SCRN1: variants seen among roughly 807,000 people sequenced by gnomAD.
SCRN1 encodes secernin-1.
In SCRN1, 19 loss-of-function variants were observed where a neutral mutation model predicts 43.3. The observed-to-expected ratio is 0.44, with a 90% CI of 0.31 to 0.64. The LOEUF is 0.64. SCRN1 is among the 30% of genes least tolerant of loss of function. The probability of loss-of-function intolerance (pLI) is 0.09; values close to 1 mark genes in which losing one functional copy is unlikely to be tolerated. For missense variants in SCRN1, 447 were observed against 524.1 expected (o/e 0.85, Z 1.44); for synonymous variants, 183 against 188.9 (o/e 0.97, Z 0.26).
chr7:29,941,753 T>A (rs1186456127), intron 4 of SCRN1, among the ~76,000 whole-genome samples: 5 of 152,244 alleles, frequency 3.3e-5, no homozygotes, highest in Admixed American at 3.3e-4. Flanking sequence ...TTGCTATGTC[T>A]TCTTCGAAGC....
At chr7:29,957,519 G>C (rs1421575293) in intron 2 of SCRN1, among the ~76,000 whole-genome samples, 1 of 152,198 alleles carries the variant, frequency 6.6e-6, no homozygotes, top group Non-Finnish European at 1.5e-5. Flanking sequence ...ATCTCCCCCA[G>C]CTAGAGTGTA....
chr7:29,947,561 G>C (rs562049203), intron 3 of SCRN1, among the ~76,000 whole-genome samples: 20 of 152,252 alleles, frequency 1.3e-4, no homozygotes, highest in African/African-American at 3.6e-4. Context: ...TAGGACTCAG[G>C]TGCAAATAAT....
Position 29,938,068 on chromosome 7 carries a change from C to A in SCRN1, c.740-1347G>T, listed in dbSNP as rs1374715685. On this transcript the variant is annotated intron_variant, in intron 5 of 7. Coordinates refer to ENST00000242059, the MANE Select transcript of SCRN1 (RefSeq NM_014766.5). The stretch of plus-strand genomic sequence containing the variant: ...TTTTGAGATGGAGTCTCGTTCTGTC[C>A]CCCAGGCAGGAGTGCAGTGGCGCAA... 4.6e-5 allele frequency among the ~76,000 whole-genome samples: 7 copies of A among 151,990 alleles called. No individual in the cohort carries two copies. In the East Asian group the frequency reaches 1.2e-3, roughly 25 times the overall value.
intron 1 of SCRN1, among the ~76,000 whole-genome samples, chr7:29,970,590 GA>G (rs1166935220): frequency 1.3e-5 from 2 of 152,210 alleles, no homozygotes; most frequent in Non-Finnish European, 2.9e-5. Context: ...TAAGCAATAT[GA>G]AAGCAAGGAC....
intron 1 of SCRN1, among the ~76,000 whole-genome samples, chr7:29,977,801 A>T (rs1372987536): frequency 6.6e-6 from 1 of 152,228 alleles, no homozygotes; most frequent in Non-Finnish European, 1.5e-5. Flanking sequence ...AGGGATAATG[A>T]TAGGTAGTTC....
chr7:29,936,547 C>G lies in SCRN1; in HGVS notation c.905+9G>C, dbSNP rs375042049. The G allele has an allele frequency of 1.3e-6, 2 of 1,558,538 alleles. No homozygotes were observed. Among genetic ancestry groups the G allele is most frequent in the Non-Finnish European group, 1.8e-6 (2 of 1,140,884 alleles). On this transcript the variant is annotated intron_variant, in intron 6 of 7. Coordinates refer to ENST00000242059, the MANE Select transcript of SCRN1 (RefSeq NM_014766.5). ...ATGTTCTGCCTACGTGACCAGGCCT[C>G]GGACAAACCTGGAAGGATCAGGGGT...
intron 1 of SCRN1, among the ~76,000 whole-genome samples, chr7:29,973,225 A>T (rs1788717081): frequency 6.6e-6 from 1 of 152,212 alleles, no homozygotes; most frequent in Non-Finnish European, 1.5e-5. Context: ...TGCCAATTAC[A>T]CTTCTCTTGG....
Position 29,944,098 on chromosome 7 carries a change from C to T in SCRN1, c.423G>A (p.Gly141=). Reference sequence around the variant, plus strand: ...AGGAGTTTGCATCTTCAAAGTAATTCCCACCTTGTCCATGTTCTTCCAACA... The same window carrying T: ...AGGAGTTTGCATCTTCAAAGTAATTTCCACCTTGTCCATGTTCTTCCAACA... ...VSLLEEHGQG[G]NYFEDANSCH... Residue 141 remains glycine, a synonymous_variant, in exon 4 of 8, where the codon GGG becomes GGA. Transcript: ENST00000242059. The T allele has an allele frequency of 6.2e-7, 1 of 1,614,182 alleles. No homozygotes were observed. Among genetic ancestry groups the T allele is most frequent in the Non-Finnish European group, 8.5e-7 (1 of 1,180,018 alleles).
chr7:29,989,415 C>T (rs565067432), intron 1 of SCRN1, among the ~76,000 whole-genome samples: 1 of 152,122 alleles, frequency 6.6e-6, no homozygotes, highest in African/African-American at 2.4e-5. Flanking sequence ...CCCCGCAGTC[C>T]CCGAGCCGAG....
intron 2 of SCRN1, among the ~76,000 whole-genome samples, chr7:29,963,367 C>A (rs1396697303): frequency 6.6e-6 from 1 of 151,834 alleles, no homozygotes; most frequent in Non-Finnish European, 1.5e-5. Context: ...GGTGTTGAGG[C>A]CTGGAAGGAT....
rs141208275 is a variant in SCRN1, at chr7:29,925,736, C to T, written c.1086+716G>A. On this transcript the variant is annotated intron_variant, in intron 7 of 7. Coordinates refer to ENST00000242059, the MANE Select transcript of SCRN1 (RefSeq NM_014766.5). ...AAAACTAGGAATATGAGTCTGGGCG[C>T]GGTGGCTCCTGCTTGTAATCCCAGC... Among the ~76,000 whole-genome samples the T allele has an allele frequency of 1.7e-3, 257 of 151,314 alleles. 1 individual carries two copies. Among genetic ancestry groups the T allele is most frequent in the African/African-American group, 5.9e-3 (244 of 41,216 alleles).
intron 3 of SCRN1, among the ~76,000 whole-genome samples, chr7:29,953,201 T>G (rs1351780520): frequency 1.3e-5 from 2 of 152,246 alleles, no homozygotes; most frequent in Non-Finnish European, 2.9e-5. Flanking sequence ...TCAGATCACT[T>G]TGAGTTACCT....
chr7:29,977,424 A>ATTTTTTCTG (rs1788867328), intron 1 of SCRN1, among the ~76,000 whole-genome samples: 1 of 152,172 alleles, frequency 6.6e-6, no homozygotes, highest in Non-Finnish European at 1.5e-5. Context: ...TTACAAATTG[A>ATTTTTTCTG]TTTTTTCTGT....
intron 1 of SCRN1, among the ~76,000 whole-genome samples, chr7:29,977,406 A>C (rs796776222): frequency 6.6e-6 from 1 of 152,242 alleles, no homozygotes; most frequent in Non-Finnish European, 1.5e-5. Context: ...AGGACAAATG[A>C]TACTCATTTA....
rs545058930 is a variant in SCRN1, at chr7:29,961,837, A to AC, written c.160-6478dup. ...GGCCGGGCGGGGGGCTGACCCCCCC[A>AC]CTGGAGGATCTTATTTCTTACTCTT... On this transcript the variant is annotated intron_variant, in intron 2 of 7. Coordinates refer to ENST00000242059, the MANE Select transcript of SCRN1 (RefSeq NM_014766.5). Among the ~76,000 whole-genome samples the AC allele has an allele frequency of 2.2e-4, 34 of 152,140 alleles. No homozygotes were observed. In the East Asian group the frequency reaches 5.8e-3, roughly 26 times the overall value.
intron 2 of SCRN1, among the ~76,000 whole-genome samples, chr7:29,958,938 T>C (rs1428255567): frequency 6.6e-6 from 1 of 152,168 alleles, no homozygotes; most frequent in Non-Finnish European, 1.5e-5. Flanking sequence ...AGGGACCACC[T>C]GCCAGGTTAG....
intron 3 of SCRN1, among the ~76,000 whole-genome samples, chr7:29,946,119 C>G (rs907060160): frequency 7.2e-5 from 11 of 152,132 alleles, no homozygotes; most frequent in African/African-American, 2.7e-4. Context: ...TCATTTTAAG[C>G]TTATGTAGCA....
intron 6 of SCRN1, among the ~76,000 whole-genome samples, chr7:29,928,202 C>T (rs185568429): frequency 4.6e-5 from 7 of 152,270 alleles, no homozygotes; most frequent in Admixed American, 4.6e-4. Flanking sequence ...ATAACCCTTG[C>T]CAGCCAATTT....
At chr7:29,933,508 G>A (rs1486588262) in intron 6 of SCRN1, among the ~76,000 whole-genome samples, 2 of 152,144 alleles carry the variant, frequency 1.3e-5, no homozygotes, top group African/African-American at 4.8e-5. Flanking sequence ...ACAAGTGCTG[G>A]CTTCCTAGGA....
Sources: gnomAD v4.1 joint callset for allele counts (sites outside exome capture counted in the v4.1 genomes callset) on GRCh38, gnomAD v4.1.1 for gene constraint, MANE v1.5 for transcripts, NCBI Gene and HGNC (gene_info 2026-07-23, HGNC 2026-07-21) for gene names.